OXR1: variants seen among roughly 807,000 people sequenced by gnomAD.
OXR1 encodes the protein oxidation resistance 1.
A neutral mutation model predicts 104.6 loss-of-function variants in OXR1; 41 were observed. The observed-to-expected ratio is 0.39, with a 90% CI of 0.31 to 0.51. The LOEUF is 0.51. Ranked by LOEUF, OXR1 falls within the 20% of genes least tolerant of loss-of-function variation. The pLI is 0.77. For synonymous variants in OXR1, 348 were observed against 348.4 expected (o/e 1.00, Z 0.01); for missense variants, 955 against 1,031.9 (o/e 0.93, Z 1.02).
intron 2 of OXR1, among the ~76,000 whole-genome samples, chr8:106,455,625 T>A (rs911398360): frequency 6.6e-6 from 1 of 152,178 alleles, no homozygotes; most frequent in African/African-American, 2.4e-5. Context: ...AAGGAACAGG[T>A]GATGACCCCC....
chr8:106,657,797 G>A, intron 3 of OXR1: 1 of 1,222,822 alleles, frequency 8.2e-7, no homozygotes, highest in Non-Finnish European at 1.0e-6. Flanking sequence ...CCCCCGACGC[G>A]TGGTTTCCTG....
At chr8:106,741,649 C>T (rs1438483575) in intron 14 of OXR1, among the ~76,000 whole-genome samples, 4 of 152,136 alleles carry the variant, frequency 2.6e-5, no homozygotes, top group Non-Finnish European at 5.9e-5. Context: ...GTGGAAACTT[C>T]AGCCCATAAC....
chr8:106,694,925 A>T (rs9694451), intron 7 of OXR1, among the ~76,000 whole-genome samples: 1 of 130,298 alleles, frequency 7.7e-6, no homozygotes. Context: ...ATTTATATAT[A>T]TTTATATATA....
At chr8:106,680,543 A>G (rs1432093268) in intron 4 of OXR1, among the ~76,000 whole-genome samples, 1 of 151,944 alleles carries the variant, frequency 6.6e-6, no homozygotes, top group South Asian at 2.1e-4. Context: ...ATTGTACTAC[A>G]TTTTGCTATC....
At chr8:106,355,691 G>T (rs908264090) in intron 1 of OXR1, among the ~76,000 whole-genome samples, 6 of 151,580 alleles carry the variant, frequency 4.0e-5, no homozygotes, top group African/African-American at 1.5e-4. Flanking sequence ...AAACATGTAA[G>T]TTTTTTTTCT....
intron 3 of OXR1, among the ~76,000 whole-genome samples, chr8:106,637,689 T>C (rs1433601433): frequency 6.6e-6 from 1 of 151,952 alleles, no homozygotes; most frequent in East Asian, 1.9e-4. Flanking sequence ...ATTTATAGAG[T>C]TGTAAATTAG....
chr8:106,736,170 C>G (rs1417244020), intron 11 of OXR1, among the ~76,000 whole-genome samples: 1 of 150,872 alleles, frequency 6.6e-6, no homozygotes, highest in Non-Finnish European at 1.5e-5. Context: ...CTGACACCCC[C>G]CCCCATCCGC....
At position 106,373,336 on chromosome 8, in the gene OXR1, A is replaced by G. The variant is rs532629149; in HGVS notation, c.23+13700A>G. Among the ~76,000 whole-genome samples the G allele has an allele frequency of 2.0e-5, 3 of 152,260 alleles. No individual in the cohort carries two copies. The East Asian group carries it at 5.8e-4, about 29-fold the overall frequency. ...CCCATAAACTTTAAGGCTAATTTCA[A>G]TATGTAAACACAAAAGTGCATTAAA... is the stretch of plus-strand genomic sequence containing the variant. On this transcript the variant is annotated intron_variant, in intron 2 of 16. Coordinates refer to ENST00000517566, the MANE Select transcript of OXR1 (RefSeq NM_001198533.2).
chr8:106,271,675 C>T (rs1490079579), intron 1 of OXR1: 2 of 152,426 alleles, frequency 1.3e-5, no homozygotes, highest in East Asian at 3.9e-4. Flanking sequence ...GAACATACTT[C>T]CCTACGTCTT....
chr8:106,659,417 A>G (rs891681039), intron 3 of OXR1, among the ~76,000 whole-genome samples: 2 of 152,256 alleles, frequency 1.3e-5, no homozygotes, highest in Admixed American at 6.5e-5. Context: ...TATCTTTAGA[A>G]ATGCTGTTTA....
chr8:106,633,655 A>G (rs1822894368), intron 3 of OXR1, among the ~76,000 whole-genome samples: 1 of 152,104 alleles, frequency 6.6e-6, no homozygotes. Context: ...GCTCAAAGTT[A>G]CTCTGTGCTG....
chr8:106,344,254 GA>G (rs144684346), intron 1 of OXR1, among the ~76,000 whole-genome samples: 10,162 of 152,250 alleles, frequency 0.067, 360 homozygotes, highest in Non-Finnish European at 0.073. Flanking sequence ...TGCTTCCCAC[GA>G]ACTACAGTTT....
At chr8:106,280,673 G>A (rs1812243645) in intron 1 of OXR1, among the ~76,000 whole-genome samples, 3 of 152,064 alleles carry the variant, frequency 2.0e-5, no homozygotes. Flanking sequence ...GTTGCACAAC[G>A]GTTTGAAGGT....
intron 3 of OXR1, among the ~76,000 whole-genome samples, chr8:106,661,612 A>G (rs951902203): frequency 1.4e-4 from 21 of 152,228 alleles, no homozygotes; most frequent in African/African-American, 3.4e-4. Flanking sequence ...GATAAATTTT[A>G]CTAGTGTAGA....
intron 3 of OXR1, among the ~76,000 whole-genome samples, chr8:106,616,654 T>G (rs1437769113): frequency 6.6e-6 from 1 of 152,202 alleles, no homozygotes; most frequent in Non-Finnish European, 1.5e-5. Flanking sequence ...GCCAAGACCA[T>G]AAGCTCTATA....
chr8:106,718,838 CAAA>C (rs34959772), intron 11 of OXR1, among the ~76,000 whole-genome samples: 5 of 132,376 alleles, frequency 3.8e-5, no homozygotes, highest in Admixed American at 7.7e-5. Flanking sequence ...GACTCCACCT[CAAA>C]AAAAAAAAAA....
intron 3 of OXR1, among the ~76,000 whole-genome samples, chr8:106,571,879 G>A (rs1817497947): frequency 6.6e-6 from 1 of 152,148 alleles, no homozygotes; most frequent in African/African-American, 2.4e-5. Flanking sequence ...TCCCAAGCAA[G>A]TCCAAAATGT....
chr8:106,721,002 A>G (rs1032525319), intron 11 of OXR1, among the ~76,000 whole-genome samples: 1 of 152,118 alleles, frequency 6.6e-6, no homozygotes, highest in African/African-American at 2.4e-5. Flanking sequence ...TCCTGCCATC[A>G]TTTATCATGA....
At position 106,330,824 on chromosome 8, in the gene OXR1, C is replaced by T. The variant is rs565848756; in HGVS notation, c.-138-28652C>T. Among the ~76,000 whole-genome samples the T allele has an allele frequency of 5.7e-4, 86 of 152,164 alleles. 1 individual carries two copies. The South Asian group carries it at 0.016, about 28-fold the overall frequency. On this transcript the variant is annotated intron_variant, in intron 1 of 16. Coordinates refer to ENST00000517566, the MANE Select transcript of OXR1 (RefSeq NM_001198533.2). ...AACCATTCAACCAGGGTGATTTGTCCGCAGTAAAATACATTAGAAGCATTT... is the reference window on the plus strand; with the variant it reads ...AACCATTCAACCAGGGTGATTTGTCTGCAGTAAAATACATTAGAAGCATTT...
Sources: gnomAD v4.1 joint callset for allele counts (sites outside exome capture counted in the v4.1 genomes callset) on GRCh38, gnomAD v4.1.1 for gene constraint, MANE v1.5 for transcripts, NCBI Gene and HGNC (gene_info 2026-07-23, HGNC 2026-07-21) for gene names.